The following RBFOX1 variants were observed in gnomAD, a reference collection of about 807,000 sequenced individuals.
RBFOX1 encodes RNA binding fox-1 homolog 1.
A neutral mutation model predicts 57.7 loss-of-function variants in RBFOX1; 8 were observed. The ratio of observed to expected loss-of-function variants is 0.14; its 90% CI spans 0.08 to 0.25. RBFOX1 has a LOEUF of 0.25. RBFOX1 is among the 10% of genes least tolerant of loss of function. The probability of loss-of-function intolerance (pLI) is 1.00; values close to 1 mark genes in which losing one functional copy is unlikely to be tolerated. For missense variants in RBFOX1, 611 were observed against 548.5 expected (o/e 1.11, Z -1.14); for synonymous variants, 326 against 222.4 (o/e 1.47, Z -4.15).
chr16:6,650,866 C>G (rs549226541), intron 2 of RBFOX1, among the ~76,000 whole-genome samples: 1 of 152,246 alleles, frequency 6.6e-6, no homozygotes, highest in African/African-American at 2.4e-5. Context: ...GACTTAACCA[C>G]AATGGAGTCC....
chr16:6,623,049 C>T (rs917838485), intron 2 of RBFOX1, among the ~76,000 whole-genome samples: 1 of 152,210 alleles, frequency 6.6e-6, no homozygotes, highest in African/African-American at 2.4e-5. Flanking sequence ...AGACCTTTGT[C>T]AGTCCGCCAT....
intron 3 of RBFOX1, among the ~76,000 whole-genome samples, chr16:5,847,959 C>G (rs958005373): frequency 6.6e-6 from 1 of 152,134 alleles, no homozygotes; most frequent in Non-Finnish European, 1.5e-5. Context: ...TTGAGGAGCT[C>G]TAGTGCCATG....
chr16:7,353,539 C>G (rs1029990813), intron 4 of RBFOX1, among the ~76,000 whole-genome samples: 5 of 152,018 alleles, frequency 3.3e-5, no homozygotes, highest in Non-Finnish European at 5.9e-5. Context: ...TTCATAGTAA[C>G]CAAAGCATGG....
At chr16:6,894,358 T>A (rs192825405) in intron 3 of RBFOX1, among the ~76,000 whole-genome samples, 14 of 152,248 alleles carry the variant, frequency 9.2e-5, no homozygotes, top group Admixed American at 3.9e-4. Context: ...TGACAGTCAG[T>A]CTCATGGATG....
chr16:6,779,632 A>T (rs28880081), intron 3 of RBFOX1, among the ~76,000 whole-genome samples: 1 of 144,714 alleles, frequency 6.9e-6, no homozygotes, highest in African/African-American at 2.6e-5. Flanking sequence ...GTTCCCACCA[A>T]TAGTATACAA....
rs1302919125 is a variant in RBFOX1 at position 6,101,832 on chromosome 16, C to T, written c.-127+81840C>T. 2.0e-5 allele frequency among the ~76,000 whole-genome samples: 3 copies of T among 152,158 alleles called. No homozygotes were observed. In the East Asian group the frequency reaches 5.8e-4, roughly 29 times the overall value. ...AAATCCTGCACATATCCACAGCTGC[C>T]CTTGCCCTCATCTGCCGGGGCAGCT... is the stretch of plus-strand genomic sequence containing the variant. On this transcript the variant is annotated intron_variant, in intron 1 of 15. Transcript: ENST00000550418.
chr16:7,662,675 G>A (rs1158141703), intron 12 of RBFOX1, among the ~76,000 whole-genome samples: 1 of 152,188 alleles, frequency 6.6e-6, no homozygotes, highest in Non-Finnish European at 1.5e-5. Context: ...TCTGAAAAAT[G>A]ATGCTGGTGT....
At chr16:5,664,328 T>C (rs184122014) in intron 3 of RBFOX1, among the ~76,000 whole-genome samples, 1 of 152,208 alleles carries the variant, frequency 6.6e-6, no homozygotes, top group Non-Finnish European at 1.5e-5. Flanking sequence ...GGTGGGCAGA[T>C]CACGAGGTTG....
chr16:6,402,724 T>C (rs1287024820), intron 2 of RBFOX1, among the ~76,000 whole-genome samples: 2 of 152,234 alleles, frequency 1.3e-5, no homozygotes, highest in Admixed American at 6.5e-5. Context: ...TTGAAGGATA[T>C]GTTAAAATCA....
At chr16:6,482,760 G>A (rs1332834303) in intron 2 of RBFOX1, among the ~76,000 whole-genome samples, 1 of 152,172 alleles carries the variant, frequency 6.6e-6, no homozygotes, top group Non-Finnish European at 1.5e-5. Context: ...GAGATTGGGG[G>A]CGCGGTGCTG....
intron 4 of RBFOX1, among the ~76,000 whole-genome samples, chr16:7,273,185 C>G (rs1413474231): frequency 3.8e-5 from 5 of 130,906 alleles, no homozygotes; most frequent in Non-Finnish European, 8.0e-5. Flanking sequence ...TCCCTTCCTT[C>G]CTCCCTTCCT....
chr16:6,958,120 G>C (rs1222985386), intron 3 of RBFOX1, among the ~76,000 whole-genome samples: 1 of 152,080 alleles, frequency 6.6e-6, no homozygotes, highest in African/African-American at 2.4e-5. Context: ...ATGGGTGACC[G>C]GATTTTGCAC....
chr16:6,370,688 A>G (rs1021941540), intron 2 of RBFOX1, among the ~76,000 whole-genome samples: 1 of 152,202 alleles, frequency 6.6e-6, no homozygotes, highest in African/African-American at 2.4e-5. Flanking sequence ...GGGGGAGGAT[A>G]GAATGGGGAG....
chr16:7,327,554 G>GT (rs1273464347), intron 4 of RBFOX1, among the ~76,000 whole-genome samples: 1 of 152,172 alleles, frequency 6.6e-6, no homozygotes, highest in Non-Finnish European at 1.5e-5. Flanking sequence ...GAAACACTCT[G>GT]TTTTATGCAT....
intron 5 of RBFOX1, among the ~76,000 whole-genome samples, chr16:7,553,305 C>T (rs2087181867): frequency 6.6e-6 from 1 of 151,992 alleles, no homozygotes; most frequent in Admixed American, 6.6e-5. Context: ...CCACCACACC[C>T]CCTAATTTTT....
intron 4 of RBFOX1, among the ~76,000 whole-genome samples, chr16:7,339,216 C>T (rs2096847968): frequency 6.6e-6 from 1 of 152,138 alleles, no homozygotes; most frequent in Non-Finnish European, 1.5e-5. Flanking sequence ...TGCAAAGTCA[C>T]TGTGAGTTTT....
intron 2 of RBFOX1, among the ~76,000 whole-genome samples, chr16:5,501,157 A>C (rs1263488270): frequency 6.6e-6 from 1 of 151,898 alleles, no homozygotes; most frequent in Non-Finnish European, 1.5e-5. Context: ...CTCTACTGAA[A>C]ATACAAAAAA....
At chr16:7,194,481 A>C (rs1411567587) in intron 4 of RBFOX1, among the ~76,000 whole-genome samples, 1 of 152,188 alleles carries the variant, frequency 6.6e-6, no homozygotes, top group African/African-American at 2.4e-5. Context: ...GAGTTTGGGA[A>C]AATCTAGCTC....
chr16:6,169,501 C>G (rs1206726247), intron 1 of RBFOX1, among the ~76,000 whole-genome samples: 1 of 152,114 alleles, frequency 6.6e-6, no homozygotes, highest in African/African-American at 2.4e-5. Flanking sequence ...ATGAACGATT[C>G]CTGAATCAGG....
Sources: allele counts gnomAD v4.1 joint callset (sites outside exome capture counted in the v4.1 genomes callset), GRCh38; gene constraint gnomAD v4.1.1; transcripts MANE v1.5; gene names NCBI Gene and HGNC (gene_info 2026-07-23, HGNC 2026-07-21).